Variants in UBN2 observed in about 807,000 individuals in gnomAD.
The protein encoded by UBN2 is ubinuclein-2.
UBN2 carries 35 observed loss-of-function variants against 120.2 expected under a neutral mutation model. That is an observed-to-expected ratio of 0.29 (90% CI 0.22 to 0.39). The LOEUF is 0.39. Ranked by LOEUF, UBN2 falls within the 10% of genes least tolerant of loss-of-function variation. UBN2 has a pLI of 1.00. For synonymous variants in UBN2, 661 were observed against 648.7 expected, an observed-to-expected ratio of 1.02 and a Z score of -0.29; for missense variants, 1,693 against 1,663.2, an observed-to-expected ratio of 1.02 and a Z score of -0.31.
chr7:139,246,115 A>G (rs1297268911), intron 2 of UBN2, among the ~76,000 whole-genome samples: 1 of 152,202 alleles, frequency 6.6e-6, no homozygotes, highest in East Asian at 1.9e-4. Context: ...CTGTAATCCC[A>G]GCACTTTAGG....
At chr7:139,274,562 A>T (rs369975823) in intron 11 of UBN2, among the ~76,000 whole-genome samples, 8 of 151,904 alleles carry the variant, frequency 5.3e-5, no homozygotes, top group Non-Finnish European at 1.2e-4. Flanking sequence ...CGGGAGTTCA[A>T]GACCAGCCTG....
At chr7:139,286,311 G>A (rs1409201074) in intron 15 of UBN2, among the ~76,000 whole-genome samples, 1 of 152,020 alleles carries the variant, frequency 6.6e-6, no homozygotes, top group Non-Finnish European at 1.5e-5. Flanking sequence ...TGATCTGCCC[G>A]CTTCCGCCTC....
intron 6 of UBN2, among the ~76,000 whole-genome samples, chr7:139,264,388 G>A (rs1797029494): frequency 6.6e-6 from 1 of 152,102 alleles, no homozygotes; most frequent in Non-Finnish European, 1.5e-5. Flanking sequence ...GATCCTCATG[G>A]AATGTAGCTA....
At chr7:139,265,371 G>C (rs1797064413) in intron 6 of UBN2, among the ~76,000 whole-genome samples, 1 of 152,088 alleles carries the variant, frequency 6.6e-6, no homozygotes, top group Non-Finnish European at 1.5e-5. Context: ...CCAGCTACTT[G>C]GGAGGCTGAG....
At chr7:139,320,998 C>T in the UBN2 span, among the ~76,000 whole-genome samples, 2 of 152,168 alleles carry the variant, frequency 1.3e-5, no homozygotes, top group Non-Finnish European at 2.9e-5. Context: ...TGTCATGAGA[C>T]ACCTGCAGTG....
chr7:139,236,503 A>G (rs1320316874), intron 1 of UBN2, among the ~76,000 whole-genome samples: 2 of 152,208 alleles, frequency 1.3e-5, no homozygotes, highest in East Asian at 1.9e-4. Context: ...GCATTTCCTG[A>G]TCAAAGCAGT....
chr7:139,323,558 T>TG, the UBN2 span, among the ~76,000 whole-genome samples: 11 of 41,004 alleles, frequency 2.7e-4, no homozygotes, highest in Admixed American at 1.5e-3. Context: ...TGGACCTGAT[T>TG]ATTATTATTA....
rs536482689 is a variant in UBN2, at chr7:139,274,772, A to G, written c.1973+698A>G. Among the ~76,000 whole-genome samples, 51 of 151,730 alleles carry G rather than the reference A, an allele frequency of 3.4e-4. 1 individual carries two copies. The South Asian group carries it at 0.01, about 30-fold the overall frequency. On this transcript the variant is annotated intron_variant, in intron 11 of 17. Coordinates refer to ENST00000473989, the MANE Select transcript of UBN2 (RefSeq NM_173569.4). ...AGCGAAACTCCGTCTCAAAAAAAAA[A>G]AAAAGAAAAAGAAAAAAGAAAATAG...
At position 139,287,028 on chromosome 7, in the gene UBN2, AAAT is replaced by A. The variant is rs1322852035; in HGVS notation, c.3669+2460_3669+2462del. On this transcript the variant is annotated intron_variant, in intron 15 of 17. Coordinates refer to ENST00000473989, the MANE Select transcript of UBN2 (RefSeq NM_173569.4). ...TATACATTTACTTTCATCAGAAATA[AAAT>A]AATAAAAACATTGATACTAGGGATT... Among the ~76,000 whole-genome samples the A allele has an allele frequency of 1.6e-4, 24 of 152,268 alleles. No homozygotes were observed. In the South Asian group the frequency reaches 5.0e-3, roughly 32 times the overall value.
At chr7:139,261,948 CTT>C (rs72000087) in intron 6 of UBN2, among the ~76,000 whole-genome samples, 29 of 131,922 alleles carry the variant, frequency 2.2e-4, no homozygotes, top group African/African-American at 3.9e-4. Context: ...TTCTTTCTTT[CTT>C]TTTTTTTTTT....
chr7:139,314,840 T>G, the UBN2 span, among the ~76,000 whole-genome samples: 1 of 151,966 alleles, frequency 6.6e-6, no homozygotes, highest in Non-Finnish European at 1.5e-5. Flanking sequence ...ATGCTGTGCC[T>G]TGTTTCGATG....
At chr7:139,234,864 ACCT>A (rs1284888712) in intron 1 of UBN2, among the ~76,000 whole-genome samples, 1 of 152,080 alleles carries the variant, frequency 6.6e-6, no homozygotes, top group East Asian at 1.9e-4. Flanking sequence ...TTTGTGAAAG[ACCT>A]CCTGAAAATG....
At chr7:139,314,975 A>ATT in the UBN2 span, among the ~76,000 whole-genome samples, 10 of 150,488 alleles carry the variant, frequency 6.6e-5, no homozygotes, top group African/African-American at 1.7e-4. Context: ...TAATAATAAT[A>ATT]ATATTATTAT....
At chr7:139,275,594 A>T (rs575086557) in intron 11 of UBN2, among the ~76,000 whole-genome samples, 446 of 152,088 alleles carry the variant, frequency 2.9e-3, no homozygotes, top group Non-Finnish European at 4.9e-3. Context: ...AAAAAAAAAA[A>T]CGAGTTAAGT....
At chr7:139,288,783 C>T (rs1174225678) in intron 15 of UBN2, among the ~76,000 whole-genome samples, 1 of 151,938 alleles carries the variant, frequency 6.6e-6, no homozygotes, top group Non-Finnish European at 1.5e-5. Context: ...GTGAGCGGAT[C>T]ACGAGGTCAG....
intron 2 of UBN2, among the ~76,000 whole-genome samples, chr7:139,250,719 T>A (rs1796602419): frequency 6.6e-6 from 1 of 152,096 alleles, no homozygotes; most frequent in Non-Finnish European, 1.5e-5. Context: ...AGATAATAGA[T>A]CTTAACTCAG....
rs1798325443 is a variant in UBN2, at chr7:139,304,585, G to T, written c.*6749G>T. The T allele has an allele frequency of 6.6e-6, 1 of 152,062 alleles. No homozygotes were observed. Among genetic ancestry groups the T allele is most frequent in the Admixed American group, 6.6e-5 (1 of 15,264 alleles). The allele number at this position is 152,062 out of a possible 1,614,324, so 9.4% of individuals were successfully genotyped here. ...TTCAGGGTCAGGAAAGCAAAATGTT[G>T]GGGATGAGGAACCAGTGTTACCAGG... On this transcript the variant is annotated 3_prime_UTR_variant, in exon 18 of 18. Transcript: ENST00000473989.
intron 5 of UBN2, among the ~76,000 whole-genome samples, chr7:139,260,037 C>T (rs987773442): frequency 1.3e-4 from 19 of 151,788 alleles, no homozygotes; most frequent in South Asian, 2.1e-4. Context: ...CCAAAGTGCT[C>T]GGATTACAGA....
Position 139,269,492 on chromosome 7 carries a change from A to G in UBN2, c.1565A>G (p.Lys522Arg). The part of the protein sequence containing the change: ...FVPCNKETLV[K>R]RLKKLHLNVQ... ...CCATGCAATAAAGAAACACTAGTAA[A>G]ACGTCTGAAGAAGTTACATCTCAAT... The change falls in exon 8 of 18, where the codon AAA (lysine) becomes AGA (arginine). Residue 522 changes from lysine (K) to arginine (R), a missense_variant. Transcript: ENST00000473989. 6.2e-7 allele frequency: 1 copy of G among 1,614,190 alleles called. No homozygotes were observed. Among genetic ancestry groups the G allele is most frequent in the Non-Finnish European group, 8.5e-7 (1 of 1,180,032 alleles).
Sources: gnomAD v4.1 joint callset for allele counts (sites outside exome capture counted in the v4.1 genomes callset) on GRCh38, gnomAD v4.1.1 for gene constraint, MANE v1.5 for transcripts, NCBI Gene and HGNC (gene_info 2026-07-23, HGNC 2026-07-21) for gene names.